GFOD1: variants seen among roughly 807,000 people sequenced by gnomAD.
The protein encoded by GFOD1 is Gfo/Idh/MocA-like oxidoreductase domain containing 1, also known as glucose-fructose oxidoreductase domain-containing protein 1.
In GFOD1, 9 loss-of-function variants were observed where a neutral mutation model predicts 25.4. That is an observed-to-expected ratio of 0.35 (90% CI 0.21 to 0.62). The LOEUF (loss-of-function observed/expected upper bound fraction) is 0.62, where lower values mean the gene tolerates loss of function less well. Among genes scored for constraint, GFOD1 ranks in the 20% least tolerant of loss-of-function variants. GFOD1 has a pLI of 0.72. For synonymous variants in GFOD1, 253 were observed against 245.6 expected, an observed-to-expected ratio of 1.03 and a Z score of -0.28; for missense variants, 403 against 556.9, an observed-to-expected ratio of 0.72 and a Z score of 2.78.
chr6:13,429,424 T>A (rs1228657678), intron 1 of GFOD1, among the ~76,000 whole-genome samples: 1 of 152,242 alleles, frequency 6.6e-6, no homozygotes, highest in Admixed American at 6.5e-5. Flanking sequence ...ATTGAATGCC[T>A]ATCGAATGCA....
At chr6:13,378,658 C>T (rs1207477926) in intron 1 of GFOD1, among the ~76,000 whole-genome samples, 3 of 152,162 alleles carry the variant, frequency 2.0e-5, no homozygotes, top group Admixed American at 6.5e-5. Flanking sequence ...CCCAGCCTTC[C>T]GCAAGTGGGC....
chr6:13,452,913 C>A (rs757424044), intron 1 of GFOD1, among the ~76,000 whole-genome samples: 8 of 152,300 alleles, frequency 5.3e-5, no homozygotes, highest in Middle Eastern at 3.4e-3. Context: ...GTTAGACAGT[C>A]CCACCATCCC....
intron 1 of GFOD1, chr6:13,470,219 TG>T (rs1359371081): frequency 6.9e-6 from 11 of 1,596,400 alleles, no homozygotes; most frequent in Non-Finnish European, 9.4e-6. Context: ...TGACTGGGTC[TG>T]GGGACTGGAA....
At chr6:13,382,391 A>C (rs1394239120) in intron 1 of GFOD1, among the ~76,000 whole-genome samples, 1 of 151,926 alleles carries the variant, frequency 6.6e-6, no homozygotes, top group African/African-American at 2.4e-5. Flanking sequence ...GATAATGTAC[A>C]AATCTCATGA....
chr6:13,450,629 T>C (rs983145033), intron 1 of GFOD1, among the ~76,000 whole-genome samples: 4 of 152,132 alleles, frequency 2.6e-5, no homozygotes, highest in African/African-American at 9.7e-5. Context: ...TGTGAAGTGT[T>C]GTCAACCAGG....
rs879411159 is a variant in GFOD1 at position 13,467,110 on chromosome 6, C to CA, written c.253+19527dup. 9.7e-3 allele frequency among the ~76,000 whole-genome samples: 1,339 copies of CA among 138,328 alleles called. 17 individuals are homozygous for CA. Among genetic ancestry groups the CA allele is most frequent in the African/African-American group, 0.033 (1,229 of 37,596 alleles). 90.7% of individuals were successfully genotyped at this position (138,328 alleles called of 152,430 possible). A position where few individuals can be genotyped will look rare whatever the true frequency, so the allele number is the denominator to read the frequency against. ...CTGTGTATATTTGTGTAACTGATTT[C>CA]AAAAAAAAAAAAGAAGCAATAGCAG... On this transcript the variant is annotated intron_variant, in intron 1 of 1. Coordinates refer to ENST00000379287, the MANE Select transcript of GFOD1 (RefSeq NM_018988.4).
intron 1 of GFOD1, among the ~76,000 whole-genome samples, chr6:13,368,783 C>A (rs566264196): frequency 7.9e-5 from 12 of 152,242 alleles, no homozygotes; most frequent in African/African-American, 2.9e-4. Flanking sequence ...TCCCTACACA[C>A]CCAAAACAAT....
intron 1 of GFOD1, among the ~76,000 whole-genome samples, chr6:13,477,216 G>GGTGTGTGTGTGT (rs60649261): frequency 1.4e-5 from 2 of 140,770 alleles, no homozygotes; most frequent in Admixed American, 7.1e-5. Flanking sequence ...ACCAATAGGG[G>GGTGTGTGTGTGT]GTGTGTGTGT....
intron 1 of GFOD1, among the ~76,000 whole-genome samples, chr6:13,483,240 C>T (rs1280469534): frequency 1.3e-5 from 2 of 152,002 alleles, no homozygotes; most frequent in Admixed American, 1.3e-4. Flanking sequence ...GGAGAGGAAG[C>T]GGTAACACTT....
At chr6:13,428,206 C>A (rs963540441) in intron 1 of GFOD1, among the ~76,000 whole-genome samples, 10 of 152,212 alleles carry the variant, frequency 6.6e-5, no homozygotes, top group Non-Finnish European at 1.5e-5. Flanking sequence ...GGAAAACCAA[C>A]CCACTTTGCG....
chr6:13,486,852 C>A lies in GFOD1; in HGVS notation c.39G>T (p.Thr13=). Reference sequence around the variant, plus strand: ...TCAGCAGCGGGATGATGACACGGGCCGTGAGGCTGGTGCCGAACACGCCCA... The same window carrying A: ...TCAGCAGCGGGATGATGACACGGGCAGTGAGGCTGGTGCCGAACACGCCCA... ...PGVGVFGTSL[T]ARVIIPLLKD... is the part of the protein sequence containing the mutation. The change falls in exon 1 of 2, where the codon ACG becomes ACT. Residue 13 remains threonine, a synonymous_variant. Transcript: ENST00000379287. 3 of 1,612,858 alleles carry A rather than the reference C, an allele frequency of 1.9e-6. No homozygotes were observed. The highest frequency in any genetic ancestry group is 2.5e-6 in the Non-Finnish European group (3 of 1,179,984).
intron 1 of GFOD1, among the ~76,000 whole-genome samples, chr6:13,418,918 C>A (rs1276694094): frequency 6.6e-6 from 1 of 152,170 alleles, no homozygotes. Context: ...TAATGCAAAG[C>A]CCTAGAAGGA....
intron 1 of GFOD1, among the ~76,000 whole-genome samples, chr6:13,472,290 G>A (rs1347023602): frequency 1.3e-5 from 2 of 152,164 alleles, no homozygotes; most frequent in African/African-American, 4.8e-5. Flanking sequence ...TTAGTTTTAT[G>A]TAAATTTAAG....
chr6:13,474,635 C>A (rs1758577507), intron 1 of GFOD1, among the ~76,000 whole-genome samples: 2 of 152,136 alleles, frequency 1.3e-5, no homozygotes, highest in Non-Finnish European at 2.9e-5. Context: ...AGGACAAAGA[C>A]CATGTCTTAC....
In GFOD1 at chr6:13,435,482, T is replaced by C. The variant is rs117083012; in HGVS notation, c.253+51156A>G. Among the ~76,000 whole-genome samples the C allele has an allele frequency of 2.3e-3, 348 of 152,320 alleles. 1 individual carries two copies. The East Asian group carries it at 0.023, about 10-fold the overall frequency. ...TTAAATAATCAATGGTGTGTTTTCC[T>C]GTACTAGACTGTTAGCTCCAAAGAA... On this transcript the variant is annotated intron_variant, in intron 1 of 1. Coordinates refer to ENST00000379287, the MANE Select transcript of GFOD1 (RefSeq NM_018988.4).
Position 13,486,852 on chromosome 6 carries a change from C to T in GFOD1, c.39G>A (p.Thr13=). The T allele has an allele frequency of 6.2e-7, 1 of 1,612,858 alleles. No individual in the cohort carries two copies. The highest frequency in any genetic ancestry group is 8.5e-7 in the Non-Finnish European group (1 of 1,179,984). Residue 13 remains threonine (T), a synonymous_variant, in exon 1 of 2, where the codon ACG becomes ACA. Coordinates refer to ENST00000379287, the MANE Select transcript of GFOD1 (RefSeq NM_018988.4). The part of the protein sequence containing the change: ...PGVGVFGTSL[T]ARVIIPLLKD... ...TCAGCAGCGGGATGATGACACGGGC[C>T]GTGAGGCTGGTGCCGAACACGCCCA...
chr6:13,448,018 G>A (rs1038497597), intron 1 of GFOD1, among the ~76,000 whole-genome samples: 9 of 152,112 alleles, frequency 5.9e-5, no homozygotes, highest in East Asian at 1.9e-4. Flanking sequence ...GAGGAGGGAG[G>A]TGGACATCTA....
intron 1 of GFOD1, among the ~76,000 whole-genome samples, chr6:13,371,354 C>A (rs934762954): frequency 1.3e-5 from 2 of 152,166 alleles, no homozygotes; most frequent in Non-Finnish European, 2.9e-5. Flanking sequence ...GAACAACTTC[C>A]CTGAAAAGAC....
chr6:13,426,235 T>C (rs1217368794), intron 1 of GFOD1, among the ~76,000 whole-genome samples: 1 of 152,246 alleles, frequency 6.6e-6, no homozygotes, highest in Non-Finnish European at 1.5e-5. Context: ...GAGGGAGTTC[T>C]GGGCCAAGAA....
Sources: gnomAD v4.1 joint callset for allele counts (sites outside exome capture counted in the v4.1 genomes callset) on GRCh38, gnomAD v4.1.1 for gene constraint, MANE v1.5 for transcripts, NCBI Gene and HGNC (gene_info 2026-07-23, HGNC 2026-07-21) for gene names.